Variants in CNTNAP2 observed in about 807,000 individuals in gnomAD.
CNTNAP2 encodes the protein contactin associated protein 2.
CNTNAP2 carries 98 observed loss-of-function variants against 155.2 expected under a neutral mutation model. The observed-to-expected ratio is 0.63, with a 90% CI of 0.54 to 0.75. The LOEUF (loss-of-function observed/expected upper bound fraction) is 0.75. CNTNAP2 is among the 30% of genes least tolerant of loss of function. CNTNAP2 has a pLI of 0.00. For missense variants in CNTNAP2, 1,727 were observed against 1,688.1 expected, an observed-to-expected ratio of 1.02 and a Z score of -0.40; for synonymous variants, 651 against 631.2, an observed-to-expected ratio of 1.03 and a Z score of -0.47.
At chr7:148,062,068 T>C in intron 15 of CNTNAP2, among the ~76,000 whole-genome samples, 1 of 149,594 alleles carries the variant, frequency 6.7e-6, no homozygotes, top group Non-Finnish European at 1.5e-5. Flanking sequence ...TGTGTGTGTG[T>C]GTGTGTGTTT....
intron 10 of CNTNAP2, among the ~76,000 whole-genome samples, chr7:147,457,681 T>C (rs1170308404): frequency 6.6e-6 from 1 of 152,192 alleles, no homozygotes; most frequent in Non-Finnish European, 1.5e-5. Flanking sequence ...AACAAATTAA[T>C]GAATGAGCAA....
chr7:147,537,113 T>A (rs1799555912), intron 11 of CNTNAP2, among the ~76,000 whole-genome samples: 1 of 152,206 alleles, frequency 6.6e-6, no homozygotes, highest in African/African-American at 2.4e-5. Flanking sequence ...ACGTTACAGA[T>A]TCCCAAATGT....
At chr7:146,184,293 C>T (rs1798592220) in intron 1 of CNTNAP2, among the ~76,000 whole-genome samples, 1 of 151,980 alleles carries the variant, frequency 6.6e-6, no homozygotes, top group African/African-American at 2.4e-5. Flanking sequence ...AACAAGAATC[C>T]AAATAGGACC....
chr7:146,474,186 T>C (rs1361223247), intron 1 of CNTNAP2, among the ~76,000 whole-genome samples: 1 of 151,758 alleles, frequency 6.6e-6, no homozygotes, highest in Non-Finnish European at 1.5e-5. Context: ...TGTGTAGATA[T>C]TATTTCAGTT....
chr7:148,328,976 G>GAA (rs71188969), intron 21 of CNTNAP2, among the ~76,000 whole-genome samples: 13,347 of 68,948 alleles, frequency 0.19, 1,773 homozygotes, highest in Non-Finnish European at 0.25. Flanking sequence ...ACTCTGTCTG[G>GAA]AAAAAAAAAA....
At position 148,284,522 on chromosome 7, in the gene CNTNAP2, A is replaced by G. The variant is rs113518081; in HGVS notation, c.3475+17396A>G. Among the ~76,000 whole-genome samples the G allele has an allele frequency of 4.9e-3, 740 of 150,908 alleles. 10 individuals carry two copies. Among genetic ancestry groups the G allele is most frequent in the African/African-American group, 0.017 (705 of 41,028 alleles). On this transcript the variant is annotated intron_variant, in intron 21 of 23. Coordinates refer to ENST00000361727, the MANE Select transcript of CNTNAP2 (RefSeq NM_014141.6). ...CAGCAAAGTGAAAACAGACTAATAC[A>G]TGGAGGTAAGAGGAGAGTGGTTACT... is the stretch of plus-strand genomic sequence containing the variant.
chr7:147,921,962 A>G (rs1800289165), intron 14 of CNTNAP2, among the ~76,000 whole-genome samples: 1 of 152,174 alleles, frequency 6.6e-6, no homozygotes, highest in South Asian at 2.1e-4. Context: ...TTTGCAAATC[A>G]AAGAGAACTT....
intron 1 of CNTNAP2, among the ~76,000 whole-genome samples, chr7:146,339,345 C>T (rs1421984913): frequency 6.6e-6 from 1 of 152,166 alleles, no homozygotes; most frequent in Non-Finnish European, 1.5e-5. Context: ...TAAAAAGATA[C>T]TTCAAAATTC....
At chr7:146,450,766 T>C (rs2129122164) in intron 1 of CNTNAP2, among the ~76,000 whole-genome samples, 1 of 152,244 alleles carries the variant, frequency 6.6e-6, no homozygotes, top group Non-Finnish European at 1.5e-5. Flanking sequence ...TTATCTTCAA[T>C]TTTTTTCCTC....
chr7:146,915,557 T>G (rs893511521), intron 3 of CNTNAP2, among the ~76,000 whole-genome samples: 1 of 152,104 alleles, frequency 6.6e-6, no homozygotes, highest in African/African-American at 2.4e-5. Flanking sequence ...CTAAGTTTTT[T>G]TGTTCGTTTG....
chr7:148,062,028 A>AGAGAGAGAGTGTGTGTGT (rs1388530831), intron 15 of CNTNAP2, among the ~76,000 whole-genome samples: 1 of 106,018 alleles, frequency 9.4e-6, no homozygotes, highest in Non-Finnish European at 2.0e-5. Flanking sequence ...AGAGAGAGAG[A>AGAGAGAGAGTGTGTGTGT]GTGTGTGTGT....
chr7:148,204,595 T>G (rs1795416852), intron 18 of CNTNAP2, among the ~76,000 whole-genome samples: 1 of 152,254 alleles, frequency 6.6e-6, no homozygotes, highest in Non-Finnish European at 1.5e-5. Context: ...TTCTTTTCTA[T>G]TAAGATCTTT....
intron 1 of CNTNAP2, among the ~76,000 whole-genome samples, chr7:146,598,859 C>G (rs1263328820): frequency 2.0e-5 from 3 of 152,038 alleles, no homozygotes; most frequent in Non-Finnish European, 2.9e-5. Context: ...ATTTTCAAAT[C>G]CAGACTTCAT....
At chr7:147,152,025 G>A (rs1054959192) in intron 8 of CNTNAP2, among the ~76,000 whole-genome samples, 6 of 152,068 alleles carry the variant, frequency 3.9e-5, no homozygotes, top group African/African-American at 7.2e-5. Context: ...TTTACCAATG[G>A]AAAATGGTGG....
chr7:147,404,100 C>A (rs1459713233), intron 10 of CNTNAP2, among the ~76,000 whole-genome samples: 1 of 152,136 alleles, frequency 6.6e-6, no homozygotes, highest in Non-Finnish European at 1.5e-5. Context: ...ATACTGTAGG[C>A]TTCTGGAAAT....
At chr7:147,794,133 A>G (rs1444914844) in intron 13 of CNTNAP2, among the ~76,000 whole-genome samples, 1 of 151,822 alleles carries the variant, frequency 6.6e-6, no homozygotes, top group Non-Finnish European at 1.5e-5. Context: ...TATAATCTGG[A>G]TGTATTTAAT....
intron 13 of CNTNAP2, among the ~76,000 whole-genome samples, chr7:147,804,743 G>C (rs1299481015): frequency 6.6e-6 from 1 of 151,858 alleles, no homozygotes; most frequent in African/African-American, 2.4e-5. Flanking sequence ...TAGTAGAGAT[G>C]GCGTTTCACC....
At chr7:147,668,496 G>A (rs776201439) in intron 13 of CNTNAP2, among the ~76,000 whole-genome samples, 8 of 152,188 alleles carry the variant, frequency 5.3e-5, no homozygotes, top group Admixed American at 2.0e-4. Context: ...CCCTGAGAAC[G>A]TCCCAGTGGG....
intron 1 of CNTNAP2, among the ~76,000 whole-genome samples, chr7:146,734,978 C>G (rs1047215319): frequency 2.0e-5 from 3 of 151,884 alleles, no homozygotes; most frequent in African/African-American, 7.3e-5. Flanking sequence ...GCTAAATGAA[C>G]CGAGAAAGAA....
Sources: allele counts gnomAD v4.1 joint callset (sites outside exome capture counted in the v4.1 genomes callset), GRCh38; gene constraint gnomAD v4.1.1; transcripts MANE v1.5; gene names NCBI Gene and HGNC (gene_info 2026-07-23, HGNC 2026-07-21).